Variants in CTNNA3 observed in about 807,000 individuals in gnomAD.
CTNNA3 encodes catenin alpha 3.
In CTNNA3, 76 loss-of-function variants were observed where a neutral mutation model predicts 95.7. That is an observed-to-expected ratio of 0.79 (90% confidence interval 0.66 to 0.96). The LOEUF is 0.96. Ranked by LOEUF, CTNNA3 falls within the 40% of genes least tolerant of loss-of-function variation. The pLI, the probability that CTNNA3 is intolerant of heterozygous loss-of-function variation, is 0.00. For synonymous variants in CTNNA3, 431 were observed against 374.4 expected (o/e 1.15, Z -1.74); for missense variants, 1,191 against 1,089.8 (o/e 1.09, Z -1.31).
intron 10 of CTNNA3, among the ~76,000 whole-genome samples, chr10:66,603,218 A>C (rs1843995638): frequency 6.6e-6 from 1 of 152,144 alleles, no homozygotes; most frequent in Admixed American, 6.5e-5. Context: ...AATTCTTGGA[A>C]TAGATCAATA....
At chr10:65,967,307 C>T (rs935307640) in intron 16 of CTNNA3, among the ~76,000 whole-genome samples, 17 of 152,012 alleles carry the variant, frequency 1.1e-4, no homozygotes, top group African/African-American at 4.1e-4. Flanking sequence ...AAATAGCTGC[C>T]TTTAATTTAT....
intron 7 of CTNNA3, among the ~76,000 whole-genome samples, chr10:66,803,824 T>C (rs549774409): frequency 6.6e-6 from 1 of 152,198 alleles, no homozygotes; most frequent in African/African-American, 2.4e-5. Context: ...TAAGTAGGAT[T>C]AACTACCTCT....
rs370957651 is a variant in CTNNA3 at position 67,650,302 on chromosome 10, C to A, written c.-5-2784G>T. Among the ~76,000 whole-genome samples the A allele has an allele frequency of 2.9e-3, 444 of 152,216 alleles. 21 individuals are homozygous for A. In the South Asian group the frequency reaches 0.089, roughly 31 times the overall value. On this transcript the variant is annotated intron_variant, in intron 1 of 17. Coordinates refer to ENST00000433211, the MANE Select transcript of CTNNA3 (RefSeq NM_013266.4). ...CCATTAGATGCTCGTTGAGTTGAAA[C>A]CTGCCACTTTTAAACTTTTATCCAA...
chr10:66,490,885 G>A lies in CTNNA3; in HGVS notation c.1531+29732C>T, dbSNP rs150592506. On this transcript the variant is annotated intron_variant, in intron 11 of 17. Coordinates refer to ENST00000433211, the MANE Select transcript of CTNNA3 (RefSeq NM_013266.4). ...CCCTTGCTGACCTCCAATGAACAAC[G>A]AATATATGATGTAGTGAGAAATAAA... 4.9e-3 allele frequency among the ~76,000 whole-genome samples: 753 copies of A among 152,240 alleles called. 4 individuals carry two copies. The highest frequency in any genetic ancestry group is 7.5e-3 in the Non-Finnish European group (512 of 68,022).
intron 5 of CTNNA3, among the ~76,000 whole-genome samples, chr10:67,464,196 T>C (rs1319188914): frequency 6.6e-6 from 1 of 152,188 alleles, no homozygotes; most frequent in African/African-American, 2.4e-5. Flanking sequence ...TCCCATAAAC[T>C]GATCTATTCA....
At chr10:66,331,820 T>G (rs1351606291) in intron 12 of CTNNA3, among the ~76,000 whole-genome samples, 2 of 151,918 alleles carry the variant, frequency 1.3e-5, no homozygotes, top group African/African-American at 4.8e-5. Flanking sequence ...TTAAAGTAGT[T>G]TTTTCCAATT....
intron 11 of CTNNA3, among the ~76,000 whole-genome samples, chr10:66,415,216 T>A (rs1287243500): frequency 6.6e-6 from 1 of 152,036 alleles, no homozygotes; most frequent in East Asian, 1.9e-4. Flanking sequence ...GGTTTCCCCA[T>A]CATCCCCATG....
chr10:66,611,392 C>A (rs1362818784), intron 10 of CTNNA3, among the ~76,000 whole-genome samples: 1 of 151,452 alleles, frequency 6.6e-6, no homozygotes, highest in African/African-American at 2.4e-5. Context: ...ATATGTACCC[C>A]CAAAATATAT....
chr10:66,591,931 A>C (rs921022284), intron 10 of CTNNA3, among the ~76,000 whole-genome samples: 1 of 152,132 alleles, frequency 6.6e-6, no homozygotes, highest in Non-Finnish European at 1.5e-5. Context: ...TAACCCTATC[A>C]GCTCATATTG....
intron 7 of CTNNA3, among the ~76,000 whole-genome samples, chr10:66,813,307 A>G (rs1002677316): frequency 5.3e-5 from 8 of 152,128 alleles, no homozygotes; most frequent in African/African-American, 1.2e-4. Context: ...TAAAACATAC[A>G]AGTGTCTTTT....
chr10:66,061,599 T>C (rs1395038248), intron 15 of CTNNA3, among the ~76,000 whole-genome samples: 1 of 152,062 alleles, frequency 6.6e-6, no homozygotes, highest in Non-Finnish European at 1.5e-5. Flanking sequence ...CTGTCAATTT[T>C]CTAAGGCCTT....
chr10:66,619,177 G>A (rs958779018), intron 10 of CTNNA3, among the ~76,000 whole-genome samples: 1 of 151,368 alleles, frequency 6.6e-6, no homozygotes, highest in Non-Finnish European at 1.5e-5. Context: ...TCTAGAACTA[G>A]AAATACCATT....
chr10:66,848,424 C>T (rs1438389106), intron 7 of CTNNA3, among the ~76,000 whole-genome samples: 2 of 152,116 alleles, frequency 1.3e-5, no homozygotes, highest in Admixed American at 1.3e-4. Flanking sequence ...GTGAAGGGCA[C>T]ATTCCCATTG....
chr10:66,928,215 C>CA (rs1449406725), intron 7 of CTNNA3: 3 of 1,614,142 alleles, frequency 1.9e-6, no homozygotes, highest in Non-Finnish European at 2.5e-6. Context: ...CCGTGCTCGT[C>CA]ATCCTGCTGG....
intron 9 of CTNNA3, among the ~76,000 whole-genome samples, chr10:66,697,185 C>T (rs1453254400): frequency 6.6e-6 from 1 of 150,422 alleles, no homozygotes; most frequent in South Asian, 2.1e-4. Context: ...ACTTTTATTA[C>T]TTTTATTATA....
chr10:67,154,438 G>A (rs976859921), intron 7 of CTNNA3, among the ~76,000 whole-genome samples: 1 of 152,138 alleles, frequency 6.6e-6, no homozygotes, highest in Non-Finnish European at 1.5e-5. Flanking sequence ...ACACCTATGT[G>A]AGGGCTGTAT....
intron 1 of CTNNA3, among the ~76,000 whole-genome samples, chr10:67,687,371 G>C (rs1840753735): frequency 6.6e-6 from 1 of 152,194 alleles, no homozygotes; most frequent in South Asian, 2.1e-4. Context: ...ATGGGTGAGG[G>C]AGCAGCTTAT....
At chr10:66,763,102 A>T (rs1001140234) in intron 9 of CTNNA3, among the ~76,000 whole-genome samples, 1 of 152,060 alleles carries the variant, frequency 6.6e-6, no homozygotes, top group African/African-American at 2.4e-5. Context: ...ATTGGTAAAT[A>T]GTCTATACAA....
Position 66,114,189 on chromosome 10 carries a change from A to AT in CTNNA3, c.1885-10941dup, listed in dbSNP as rs540811960. ...TAGCCAAATAAACTCTACATATGTG[A>AT]TTTTTTTTATCTTATCCTTAGACTA... On this transcript the variant is annotated intron_variant, in intron 13 of 17. Coordinates refer to ENST00000433211, the MANE Select transcript of CTNNA3 (RefSeq NM_013266.4). 2.4e-4 allele frequency among the ~76,000 whole-genome samples: 36 copies of AT among 152,078 alleles called. No homozygotes were observed. In the South Asian group the frequency reaches 3.7e-3, roughly 16 times the overall value.
Sources: gnomAD v4.1 joint callset for allele counts (sites outside exome capture counted in the v4.1 genomes callset) on GRCh38, gnomAD v4.1.1 for gene constraint, MANE v1.5 for transcripts, NCBI Gene and HGNC (gene_info 2026-07-23, HGNC 2026-07-21) for gene names.